The following PLCG2 variants were observed in gnomAD, a reference collection of about 807,000 sequenced individuals.
PLCG2 encodes phospholipase C gamma 2.
A neutral mutation model predicts 175.6 loss-of-function variants in PLCG2; 69 were observed. That is an observed-to-expected ratio of 0.39 (90% CI 0.32 to 0.48). The LOEUF (loss-of-function observed/expected upper bound fraction) is 0.48. Among genes scored for constraint, PLCG2 ranks in the 20% least tolerant of loss-of-function variants. The pLI is 0.91. For missense variants in PLCG2, 1,798 were observed against 1,650.9 expected, an observed-to-expected ratio of 1.09 and a Z score of -1.54; for synonymous variants, 827 against 624.0, an observed-to-expected ratio of 1.33 and a Z score of -4.85.
At chr16:81,806,602 G>A (rs1904281909) in intron 2 of PLCG2, among the ~76,000 whole-genome samples, 1 of 152,024 alleles carries the variant, frequency 6.6e-6, no homozygotes, top group Non-Finnish European at 1.5e-5. Flanking sequence ...ATGATCATAG[G>A]ATAGCCTGCA....
At chr16:81,822,027 A>G (rs1483442828) in intron 2 of PLCG2, among the ~76,000 whole-genome samples, 1 of 152,086 alleles carries the variant, frequency 6.6e-6, no homozygotes, top group Non-Finnish European at 1.5e-5. Context: ...ATGAGACTAG[A>G]CTCTCCAGTG....
chr16:81,913,112 A>T (rs761709095), intron 19 of PLCG2, among the ~76,000 whole-genome samples: 21 of 152,102 alleles, frequency 1.4e-4, no homozygotes, highest in Non-Finnish European at 2.1e-4. Context: ...GATGATATAG[A>T]TCTGGTTTCC....
At chr16:81,745,854 CA>C (rs1165189673) in intron 1 of PLCG2, among the ~76,000 whole-genome samples, 44 of 152,298 alleles carry the variant, frequency 2.9e-4, no homozygotes, top group Middle Eastern at 3.4e-3. Flanking sequence ...TTCAGCTATC[CA>C]TTCAGAGGCC....
At chr16:81,782,379 A>C (rs946212174) in intron 1 of PLCG2, among the ~76,000 whole-genome samples, 3 of 152,226 alleles carry the variant, frequency 2.0e-5, no homozygotes, top group Non-Finnish European at 4.4e-5. Context: ...AAGGGATTTC[A>C]AGGCTTTTTT....
intron 2 of PLCG2, among the ~76,000 whole-genome samples, chr16:81,760,723 C>T (rs1910020563): frequency 7.1e-6 from 1 of 141,342 alleles, no homozygotes; most frequent in Admixed American, 7.5e-5. Flanking sequence ...GCAGCCTGGG[C>T]AACATAGTGA....
At chr16:81,743,485 C>T (rs925484404) in intron 1 of PLCG2, among the ~76,000 whole-genome samples, 1 of 152,190 alleles carries the variant, frequency 6.6e-6, no homozygotes, top group Non-Finnish European at 1.5e-5. Flanking sequence ...AGCCAGGAGG[C>T]TGGAAGGAGT....
chr16:81,914,366 C>G (rs1200599111), intron 19 of PLCG2, among the ~76,000 whole-genome samples: 1 of 152,158 alleles, frequency 6.6e-6, no homozygotes, highest in South Asian at 2.1e-4. Context: ...AGGACAGTGT[C>G]CGGCAGAAAG....
At chr16:81,858,893 A>T (rs4888182) in intron 4 of PLCG2, among the ~76,000 whole-genome samples, 67,190 of 152,026 alleles carry the variant, frequency 0.44, 15,198 homozygotes, top group East Asian at 0.6. Context: ...GAAGGAATTG[A>T]CAATGTAAAG....
At chr16:81,893,428 A>G (rs1013798296) in intron 11 of PLCG2, among the ~76,000 whole-genome samples, 1 of 146,800 alleles carries the variant, frequency 6.8e-6, no homozygotes, top group East Asian at 1.9e-4. Context: ...GCTTTGACCA[A>G]CTTCTCCTCA....
intron 25 of PLCG2, among the ~76,000 whole-genome samples, chr16:81,932,326 C>T (rs1567538670): frequency 6.6e-6 from 1 of 152,136 alleles, no homozygotes; most frequent in South Asian, 2.1e-4. Flanking sequence ...AAATGAGGAG[C>T]CAAATTCCTA....
chr16:81,763,965 A>AAAAAAC (rs375744948), intron 2 of PLCG2, among the ~76,000 whole-genome samples: 150 of 151,878 alleles, frequency 9.9e-4, no homozygotes, highest in African/African-American at 3.5e-3. Context: ...ACTCTGTCTC[A>AAAAAAC]AAAAACAAAA....
At chr16:81,772,516 A>G (rs142246717) in intron 2 of PLCG2, among the ~76,000 whole-genome samples, 58 of 152,196 alleles carry the variant, frequency 3.8e-4, no homozygotes, top group East Asian at 9.7e-4. Flanking sequence ...TGTTTGTCCA[A>G]TGAATGAAAG....
intron 7 of PLCG2, among the ~76,000 whole-genome samples, chr16:81,872,260 G>A (rs1907551592): frequency 6.6e-6 from 1 of 152,094 alleles, no homozygotes; most frequent in South Asian, 2.1e-4. Flanking sequence ...CCTGGGAGGC[G>A]GAGGTTGCAG....
At chr16:81,790,332 A>G (rs190209848) in intron 2 of PLCG2, among the ~76,000 whole-genome samples, 2 of 152,302 alleles carry the variant, frequency 1.3e-5, no homozygotes, top group East Asian at 3.9e-4. Context: ...TTGGATTTGC[A>G]TCTTTGAGCA....
Position 81,910,492 on chromosome 16 carries a change from C to T in PLCG2, c.1734-28C>T, listed in dbSNP as rs755226291. 9.9e-6 allele frequency: 16 copies of T among 1,609,404 alleles called. 1 individual carries two copies. In the Admixed American group the frequency reaches 2.5e-4, roughly 25 times the overall value. On this transcript the variant is annotated intron_variant, in intron 17 of 32. Coordinates refer to ENST00000564138, the MANE Select transcript of PLCG2 (RefSeq NM_002661.5). ...CGCAATGGCCTGGCCTGCGTTCTCC[C>T]AGCACTGATGGCGTCCTCTCCCCGC...
chr16:81,956,809 G>T lies in PLCG2; in HGVS notation c.3685G>T (p.Asp1229Tyr). The T allele has an allele frequency of 6.2e-7, 1 of 1,614,188 alleles. No individual in the cohort carries two copies. ...CCAGAACTTGCGCAATGCCAACCGG[G>T]ATGCCCTGGTTAAAGAGTTCAGTGT... ...THQNLRNANR[D>Y]ALVKEFSVNE... Residue 1229 changes from aspartate to tyrosine, a missense_variant, in exon 32 of 33, where the codon GAT (aspartate) becomes TAT (tyrosine). Coordinates refer to ENST00000564138, the MANE Select transcript of PLCG2 (RefSeq NM_002661.5).
chr16:81,775,649 G>C (rs1376878273), upstream of PLCG2, among the ~76,000 whole-genome samples: 1 of 152,176 alleles, frequency 6.6e-6, no homozygotes, highest in Non-Finnish European at 1.5e-5. Flanking sequence ...AAAGAGAAGA[G>C]GGTAATAGGG....
At chr16:81,753,823 G>A (rs778726464) in intron 1 of PLCG2, among the ~76,000 whole-genome samples, 11 of 152,184 alleles carry the variant, frequency 7.2e-5, no homozygotes, top group Admixed American at 2.0e-4. Context: ...GAGCTCAGCC[G>A]TTTTATCTCC....
At chr16:81,780,734 A>C (rs62046431) in intron 1 of PLCG2, among the ~76,000 whole-genome samples, 2,525 of 152,222 alleles carry the variant, frequency 0.017, 26 homozygotes, top group Middle Eastern at 0.048. Context: ...AAACTTTTGA[A>C]AACATTTCTT....
Sources: allele counts gnomAD v4.1 joint callset (sites outside exome capture counted in the v4.1 genomes callset), GRCh38; gene constraint gnomAD v4.1.1; transcripts MANE v1.5; gene names NCBI Gene and HGNC (gene_info 2026-07-23, HGNC 2026-07-21).